The following SMAD6 variants were observed in gnomAD, a reference collection of about 807,000 sequenced individuals.
The protein encoded by SMAD6 is MAD homolog 6.
In SMAD6, 103 loss-of-function variants were observed where a neutral mutation model predicts 39.4. That is an observed-to-expected ratio of 2.62 (90% CI 2.23 to 3.08). The LOEUF (loss-of-function observed/expected upper bound fraction) is 3.08. Ranked by LOEUF, SMAD6 falls within the 30% of genes most tolerant of loss-of-function variation. The pLI, the probability that SMAD6 is intolerant of heterozygous loss-of-function variation, is 0.00. For missense variants in SMAD6, 1,104 were observed against 742.9 expected, an observed-to-expected ratio of 1.49 and a Z score of -5.65; for synonymous variants, 445 against 353.3, an observed-to-expected ratio of 1.26 and a Z score of -2.91.
In SMAD6 at chr15:66,704,303, G is replaced by A. The variant is rs754308886; in HGVS notation, c.817+228G>A. ...CTCAAGGCTCCGGTAAACTTAAAAGGGTACATGTCGTAGTTTTCTCTGTGC... is the reference window on the plus strand; with the variant it reads ...CTCAAGGCTCCGGTAAACTTAAAAGAGTACATGTCGTAGTTTTCTCTGTGC... On this transcript the variant is annotated intron_variant, in intron 1 of 3. Coordinates refer to ENST00000288840, the MANE Select transcript of SMAD6 (RefSeq NM_005585.5). 195 of 381,784 alleles carry A rather than the reference G, an allele frequency of 5.1e-4. No individual in the cohort carries two copies. In the Middle Eastern group the frequency reaches 7.3e-3, roughly 14 times the overall value. The allele number at this position is 381,784 out of a possible 1,614,324, so 23.6% of individuals were successfully genotyped here. A position where few individuals can be genotyped will look rare whatever the true frequency, so the allele number is the denominator to read the frequency against.
intron 3 of SMAD6, among the ~76,000 whole-genome samples, chr15:66,738,090 C>T (rs1313129415): frequency 6.6e-6 from 1 of 152,238 alleles, no homozygotes; most frequent in Non-Finnish European, 1.5e-5. Flanking sequence ...CCACAGAACT[C>T]TTTGAATCTT....
At chr15:66,731,792 G>C (rs1893634913) in intron 3 of SMAD6, among the ~76,000 whole-genome samples, 1 of 152,156 alleles carries the variant, frequency 6.6e-6, no homozygotes, top group African/African-American at 2.4e-5. Context: ...CTTTACAACA[G>C]GCACTGCTTT....
intron 3 of SMAD6, among the ~76,000 whole-genome samples, chr15:66,742,519 G>A (rs900993044): frequency 6.6e-6 from 1 of 152,102 alleles, no homozygotes; most frequent in Non-Finnish European, 1.5e-5. Context: ...GGTCTCCCTG[G>A]CAGTGAGACC....
intron 3 of SMAD6, among the ~76,000 whole-genome samples, chr15:66,724,127 A>T (rs1893481254): frequency 6.6e-6 from 1 of 152,198 alleles, no homozygotes; most frequent in East Asian, 1.9e-4. Flanking sequence ...AGGAATGGGG[A>T]AAGATGAATC....
At chr15:66,734,074 C>T (rs1317771601) in intron 3 of SMAD6, among the ~76,000 whole-genome samples, 2 of 152,166 alleles carry the variant, frequency 1.3e-5, no homozygotes, top group South Asian at 2.1e-4. Context: ...GACTGGGAGG[C>T]GACTCCACAG....
intron 3 of SMAD6, among the ~76,000 whole-genome samples, chr15:66,754,850 T>C (rs1210723687): frequency 6.6e-6 from 1 of 152,050 alleles, no homozygotes; most frequent in African/African-American, 2.4e-5. Context: ...CTAGCAGAGG[T>C]AGCAGAGGGG....
chr15:66,762,001 G>C (rs1894208925), intron 3 of SMAD6, among the ~76,000 whole-genome samples: 1 of 152,190 alleles, frequency 6.6e-6, no homozygotes, highest in Admixed American at 6.5e-5. Context: ...CCAGGCTGCG[G>C]CGTCTTCAGG....
At chr15:66,770,852 AG>A (rs1175914936) in intron 3 of SMAD6, among the ~76,000 whole-genome samples, 1 of 152,130 alleles carries the variant, frequency 6.6e-6, no homozygotes, top group Non-Finnish European at 1.5e-5. Context: ...TCTCCTTTTC[AG>A]GCTTAAGTAG....
At chr15:66,735,385 T>TTC (rs1893695956) in intron 3 of SMAD6, among the ~76,000 whole-genome samples, 1 of 152,192 alleles carries the variant, frequency 6.6e-6, no homozygotes, top group African/African-American at 2.4e-5. Context: ...TGTATTTTTT[T>TTC]AGAGATGCAT....
At chr15:66,754,634 C>G (rs1894066034) in intron 3 of SMAD6, among the ~76,000 whole-genome samples, 1 of 152,202 alleles carries the variant, frequency 6.6e-6, no homozygotes, top group Non-Finnish European at 1.5e-5. Flanking sequence ...TGAATGCCTA[C>G]TAGCTGTTCA....
intron 3 of SMAD6, among the ~76,000 whole-genome samples, chr15:66,756,368 T>A (rs552012941): frequency 6.6e-6 from 1 of 152,356 alleles, no homozygotes; most frequent in African/African-American, 2.4e-5. Flanking sequence ...TTCCCCTTTC[T>A]TTCAGAATTT....
intron 3 of SMAD6, among the ~76,000 whole-genome samples, chr15:66,725,414 A>G (rs987064798): frequency 2.6e-5 from 4 of 152,236 alleles, no homozygotes; most frequent in African/African-American, 9.6e-5. Flanking sequence ...AGCAGTTTCT[A>G]GATTTGGAAA....
chr15:66,703,945 CT>C lies in SMAD6; in HGVS notation c.690del (p.Arg231AlafsTer11). 2.2e-6 allele frequency: 3 copies of C among 1,390,274 alleles called. No individual in the cohort carries two copies. The highest frequency in any genetic ancestry group is 1.9e-6 in the Non-Finnish European group (2 of 1,069,988). 86.1% of individuals were successfully genotyped at this position (1,390,274 alleles called of 1,614,324 possible). On this transcript the variant is annotated frameshift_variant, in exon 1 of 4. Coordinates refer to ENST00000288840, the MANE Select transcript of SMAD6 (RefSeq NM_005585.5). LOFTEE classifies it high-confidence loss of function. Reference protein sequence around the residue: ...APPQLLLGRLFRWPDLQHAVE... With the variant: ...APPQLLLGRLXRWPDLQHAVE... ...CGCCGCAGCTGCTGCTCGGCCGCCT[CT>C]TTCGCTGGCCCGACCTGCAGCACGC... is the stretch of plus-strand genomic sequence containing the variant.
intron 1 of SMAD6, chr15:66,707,466 CATT>C (rs1567093499): frequency 6.6e-6 from 1 of 152,206 alleles, no homozygotes; most frequent in Non-Finnish European, 1.5e-5. Flanking sequence ...TTTGGCCTGG[CATT>C]ATCCCTTTGA....
chr15:66,748,675 G>T (rs560664965), intron 3 of SMAD6, among the ~76,000 whole-genome samples: 1 of 152,142 alleles, frequency 6.6e-6, no homozygotes, highest in East Asian at 1.9e-4. Flanking sequence ...AGATTGCAAG[G>T]CCCTTTCAGG....
In SMAD6 at chr15:66,704,188, C is replaced by T. The variant is rs73488314; in HGVS notation, c.817+113C>T. On this transcript the variant is annotated intron_variant, in intron 1 of 3. Transcript: ENST00000288840. ...GCAGCTGCGGGTGCTCCCCCGGGTG[C>T]CCTTGGAGCGTGGGAGCCACCAGGG... is the stretch of plus-strand genomic sequence containing the variant. The T allele has an allele frequency of 6.7e-3, 5,919 of 879,308 alleles. 247 individuals carry two copies. The African/African-American group carries it at 0.09, about 13-fold the overall frequency. 54.5% of individuals were successfully genotyped at this position (879,308 alleles called of 1,614,324 possible). A position where few individuals can be genotyped will look rare whatever the true frequency, so the allele number is the denominator to read the frequency against.
In SMAD6 at chr15:66,747,915, C is replaced by A. The variant is rs1893934244; in HGVS notation, c.952+31417C>A. On this transcript the variant is annotated intron_variant, in intron 3 of 3. Transcript: ENST00000288840. The surrounding 1 kb of genome is among the most constrained non-coding windows in gnomAD (Gnocchi z 4.5). ...GATGGCCTAAAGTCTTCCCTGAGAG[C>A]CCTTTGCACCCCACTTCTCTTTCTC... 6.6e-6 allele frequency among the ~76,000 whole-genome samples: 1 copy of A among 152,138 alleles called. No individual in the cohort carries two copies. Among genetic ancestry groups the A allele is most frequent in the South Asian group, 2.1e-4 (1 of 4,828 alleles).
intron 2 of SMAD6, among the ~76,000 whole-genome samples, chr15:66,714,515 G>T (rs1893290288): frequency 6.6e-6 from 1 of 152,160 alleles, no homozygotes. Context: ...TTTTGTCCAT[G>T]GCTGAGGCAG....
chr15:66,724,050 G>T, intron 3 of SMAD6, among the ~76,000 whole-genome samples: 1 of 152,182 alleles, frequency 6.6e-6, no homozygotes, highest in Non-Finnish European at 1.5e-5. Flanking sequence ...GCAAAAGCAA[G>T]GAGGCATGCA....
Sources: gnomAD v4.1 joint callset for allele counts (sites outside exome capture counted in the v4.1 genomes callset) on GRCh38, gnomAD v4.1.1 for gene constraint, Gnocchi (gnomAD v3.1) non-coding constraint, MANE v1.5 for transcripts, NCBI Gene and HGNC (gene_info 2026-07-23, HGNC 2026-07-21) for gene names.